Variants in TIA1 observed in about 807,000 individuals in gnomAD.
TIA1 encodes the protein cytotoxic granule associated RNA binding protein TIA1.
Under a neutral mutation model 65.9 loss-of-function variants are expected in TIA1, and 23 were observed. That is an observed-to-expected ratio of 0.35 (90% CI 0.25 to 0.49). The LOEUF (loss-of-function observed/expected upper bound fraction) is 0.49, where lower values mean the gene tolerates loss of function less well. Ranked by LOEUF, TIA1 falls within the 20% of genes least tolerant of loss-of-function variation. The pLI, the probability that TIA1 is intolerant of heterozygous loss-of-function variation, is 0.98. For missense variants in TIA1, 371 were observed against 477.9 expected (o/e 0.78, Z 2.09); for synonymous variants, 147 against 149.4 (o/e 0.98, Z 0.12).
chr2:70,235,972 T>A, intron 2 of TIA1, 107 bp downstream of exon 2: 1 of 580,472 alleles, frequency 1.7e-6, no homozygotes. Flanking sequence ...AACTAATAAT[T>A]TATACTATAT....
intron 7 of TIA1, among the ~76,000 whole-genome samples, chr2:70,222,540 G>T (rs527458346): frequency 1.3e-5 from 2 of 152,146 alleles, no homozygotes; most frequent in East Asian, 3.8e-4. Flanking sequence ...GTAGCACTGC[G>T]TAACAGAGCC....
intron 7 of TIA1, among the ~76,000 whole-genome samples, chr2:70,217,880 G>A (rs908350991): frequency 6.6e-6 from 1 of 152,158 alleles, no homozygotes; most frequent in African/African-American, 2.4e-5. Flanking sequence ...GCCCTAATGA[G>A]GTAGATATCA....
chr2:70,212,316 G>GTT lies in TIA1; in HGVS notation c.*401_*402dup. On this transcript the variant is annotated 3_prime_UTR_variant, in exon 13 of 13. Coordinates refer to ENST00000433529, the MANE Select transcript of TIA1 (RefSeq NM_022173.4). ...AACTTCTAGACTCTGCACAGTTTTG[G>GTT]TTTTTTTTTTTAACATCTTTATATT... 11 of 156,058 alleles carry GTT rather than the reference G, an allele frequency of 7.0e-5. No homozygotes were observed. Among genetic ancestry groups the GTT allele is most frequent in the East Asian group, 6.9e-4 (4 of 5,768 alleles). 9.7% of individuals were successfully genotyped at this position (156,058 alleles called of 1,614,324 possible). A position where few individuals can be genotyped will look rare whatever the true frequency, so the allele number is the denominator to read the frequency against.
At chr2:70,219,664 T>G (rs1279094185) in intron 7 of TIA1, among the ~76,000 whole-genome samples, 3 of 151,614 alleles carry the variant, frequency 2.0e-5, no homozygotes, top group Non-Finnish European at 4.4e-5. Flanking sequence ...ATTTCTTTAC[T>G]ATGGTAGGAA....
At chr2:70,219,030 G>A (rs1680005863) in intron 7 of TIA1, among the ~76,000 whole-genome samples, 1 of 152,146 alleles carries the variant, frequency 6.6e-6, no homozygotes, top group Non-Finnish European at 1.5e-5. Context: ...ACAGGTCTGA[G>A]GAAGAAACAA....
chr2:70,228,265 T>G (rs927159510), intron 5 of TIA1: 1 of 1,164,036 alleles, frequency 8.6e-7, no homozygotes, highest in African/African-American at 1.6e-5. Flanking sequence ...TTTGCCTCAG[T>G]TAACACAATT....
chr2:70,247,803 T>C (rs1310091606), intron 1 of TIA1, among the ~76,000 whole-genome samples: 3 of 151,984 alleles, frequency 2.0e-5, no homozygotes, highest in Non-Finnish European at 2.9e-5. Flanking sequence ...TGGTTAGGCT[T>C]TTTGGTCGGT....
intron 2 of TIA1, among the ~76,000 whole-genome samples, chr2:70,233,712 G>A (rs1687552162): frequency 1.3e-5 from 2 of 151,636 alleles, no homozygotes; most frequent in Admixed American, 6.6e-5. Flanking sequence ...TTTGCAGTGA[G>A]CTGAGATCAT....
Position 70,248,564 on chromosome 2 carries a change from G to T in TIA1, c.-134C>A. 7.3e-7 allele frequency: 1 copy of T among 1,378,262 alleles called. No homozygotes were observed. Among genetic ancestry groups the T allele is most frequent in the Non-Finnish European group, 1.0e-6 (1 of 997,008 alleles). The allele number at this position is 1,378,262 out of a possible 1,614,324, so 85.4% of individuals were successfully genotyped here. The stretch of plus-strand genomic sequence containing the variant: ...CAGAGGTTACTCCGCCTCCTCCTCC[G>T]GCGGCAATTACACTAAACCGCCCGG... On this transcript the variant is annotated 5_prime_UTR_variant, in exon 1 of 13. Transcript: ENST00000433529.
In TIA1 at chr2:70,214,495, C is replaced by A. The variant is rs965321568; in HGVS notation, c.889-1G>T. The A allele has an allele frequency of 3.1e-6, 5 of 1,606,244 alleles. No individual in the cohort carries two copies. Among genetic ancestry groups the A allele is most frequent in the Non-Finnish European group, 3.4e-6 (4 of 1,177,302 alleles). On this transcript the variant is annotated splice_acceptor_variant, in intron 11 of 12. Coordinates refer to ENST00000433529, the MANE Select transcript of TIA1 (RefSeq NM_022173.4). LOFTEE classifies it high-confidence loss of function. ...GTTGGGGATATCCAATTTGATTCTGCTATTAAATAAAATTTAGTATTACTT... is the reference window on the plus strand; with the variant it reads ...GTTGGGGATATCCAATTTGATTCTGATATTAAATAAAATTTAGTATTACTT...
chr2:70,236,610 A>G (rs1208297583), intron 1 of TIA1, among the ~76,000 whole-genome samples: 4 of 151,812 alleles, frequency 2.6e-5, no homozygotes, highest in Non-Finnish European at 5.9e-5. Context: ...AGGAACCACC[A>G]CACCCAGCTC....
chr2:70,231,771 C>G (rs1686416718), intron 2 of TIA1, among the ~76,000 whole-genome samples: 1 of 152,136 alleles, frequency 6.6e-6, no homozygotes, highest in Non-Finnish European at 1.5e-5. Context: ...TCTTAGCCAA[C>G]CTTCTTAAAC....
intron 1 of TIA1, among the ~76,000 whole-genome samples, chr2:70,246,573 T>A (rs1694430520): frequency 6.6e-6 from 1 of 152,064 alleles, no homozygotes; most frequent in Admixed American, 6.6e-5. Context: ...GCAAAATAAG[T>A]AATAAATGTA....
chr2:70,220,778 T>C (rs1280933177), intron 7 of TIA1, among the ~76,000 whole-genome samples: 2 of 151,742 alleles, frequency 1.3e-5, no homozygotes, highest in Admixed American at 6.6e-5. Context: ...GGAGATAAAG[T>C]AGAAGCATAT....
chr2:70,220,774 A>G (rs1272201472), intron 7 of TIA1, among the ~76,000 whole-genome samples: 2 of 152,058 alleles, frequency 1.3e-5, no homozygotes, highest in African/African-American at 2.4e-5. Context: ...AATGGGAGAT[A>G]AAGTAGAAGC....
chr2:70,243,839 C>T (rs1223105883), intron 1 of TIA1, among the ~76,000 whole-genome samples: 1 of 152,184 alleles, frequency 6.6e-6, no homozygotes, highest in Non-Finnish European at 1.5e-5. Context: ...CAACTACTTC[C>T]CATCACTTTC....
At position 70,223,722 on chromosome 2, in the gene TIA1, G is replaced by A. The variant is rs369756115; in HGVS notation, c.474+832C>T. 7.3e-5 allele frequency among the ~76,000 whole-genome samples: 11 copies of A among 149,726 alleles called. 1 individual carries two copies. The East Asian group carries it at 9.7e-4, about 13-fold the overall frequency. ...AGCCACTGGGCTCGGCTGAATTTTC[G>A]GAATTCCCGGAAAAAAAAAAATTAA... On this transcript the variant is annotated intron_variant, in intron 7 of 12. Coordinates refer to ENST00000433529, the MANE Select transcript of TIA1 (RefSeq NM_022173.4).
In TIA1 at chr2:70,209,512, T is replaced by C; in HGVS notation, c.*3207A>G. On this transcript the variant is annotated 3_prime_UTR_variant, in exon 13 of 13. Coordinates refer to ENST00000433529, the MANE Select transcript of TIA1 (RefSeq NM_022173.4). ...TGAAACTCATCATTTTGGATGTACA[T>C]TCAAATTCTAAACACAACAGTCAAA... is the stretch of plus-strand genomic sequence containing the variant. The C allele has an allele frequency of 2.5e-6, 1 of 398,090 alleles. No individual in the cohort carries two copies. The allele number at this position is 398,090 out of a possible 1,614,324, so 24.7% of individuals were successfully genotyped here. A position where few individuals can be genotyped will look rare whatever the true frequency, so the allele number is the denominator to read the frequency against.
In TIA1 at chr2:70,229,299, G is replaced by C; in HGVS notation, c.242C>G (p.Ala81Gly). The change falls in exon 4 of 13, where the codon GCA (alanine) becomes GGA (glycine). Residue 81 changes from alanine (A) to glycine (G), a missense_variant. Ala to Gly is a moderately conservative substitution (Grantham distance 60). Coordinates refer to ENST00000433529, the MANE Select transcript of TIA1 (RefSeq NM_022173.4). ...IMGKEVKVNWATTPSSQKKDT... is the reference protein window; with the variant it reads ...IMGKEVKVNWGTTPSSQKKDT... Reference sequence around the variant, plus strand: ...TTTCTTTTGACTGCTAGGGGTTGTTGCCCAATTCACTTTGACTTCCTAAAA... The same window carrying C: ...TTTCTTTTGACTGCTAGGGGTTGTTCCCCAATTCACTTTGACTTCCTAAAA... The C allele has an allele frequency of 6.2e-7, 1 of 1,611,586 alleles. No homozygotes were observed.
Sources: gnomAD v4.1 joint callset for allele counts (sites outside exome capture counted in the v4.1 genomes callset) on GRCh38, gnomAD v4.1.1 for gene constraint, MANE v1.5 for transcripts, NCBI Gene and HGNC (gene_info 2026-07-23, HGNC 2026-07-21) for gene names.